The following SEMA3A variants were observed in gnomAD, a reference collection of about 807,000 sequenced individuals.
SEMA3A encodes the protein semaphorin-3A.
Under a neutral mutation model 97.9 loss-of-function variants are expected in SEMA3A, and 29 were observed. The observed-to-expected ratio is 0.30, with a 90% CI of 0.22 to 0.40. The LOEUF (loss-of-function observed/expected upper bound fraction) is 0.40, where lower values mean the gene tolerates loss of function less well. Among genes scored for constraint, SEMA3A ranks in the 10% least tolerant of loss-of-function variants. The probability of loss-of-function intolerance (pLI) is 1.00; values close to 1 mark genes in which losing one functional copy is unlikely to be tolerated. For missense variants in SEMA3A, 763 were observed against 951.3 expected, an observed-to-expected ratio of 0.80 and a Z score of 2.60; for synonymous variants, 321 against 323.7, an observed-to-expected ratio of 0.99 and a Z score of 0.09.
At chr7:84,386,904 A>T (rs1427484117) in intron 1 of SEMA3A, among the ~76,000 whole-genome samples, 1 of 151,988 alleles carries the variant, frequency 6.6e-6, no homozygotes, top group Non-Finnish European at 1.5e-5. Flanking sequence ...GGAGGCTGAG[A>T]CAGGAGAAAC....
At chr7:83,986,175 A>T (rs371493733) in intron 12 of SEMA3A, among the ~76,000 whole-genome samples, 1 of 152,288 alleles carries the variant, frequency 6.6e-6, no homozygotes, top group East Asian at 1.9e-4. Flanking sequence ...TGCCAGCCTC[A>T]TTCCTAACAA....
intron 1 of SEMA3A, among the ~76,000 whole-genome samples, chr7:84,429,516 T>TTATATTTATATATATATATATATATA (rs1804913947): frequency 4.1e-5 from 3 of 72,390 alleles, no homozygotes; most frequent in Non-Finnish European, 7.0e-5. Flanking sequence ...ATAGAGTTTG[T>TTATATTTATATATATATATATATATA]TATATATATA....
Position 84,145,063 on chromosome 7 carries a change from G to A in SEMA3A, c.113-10112C>T, listed in dbSNP as rs1190733827. ...CAAGAATATTTCCAATTAGCTCGAT[G>A]ACATGCCATCTATAGTCTCACAGAT... On this transcript the variant is annotated intron_variant, in intron 1 of 16. Transcript: ENST00000265362. Among the ~76,000 whole-genome samples, 9 of 152,186 alleles carry A rather than the reference G, an allele frequency of 5.9e-5. No homozygotes were observed. The East Asian group carries it at 1.5e-3, about 26-fold the overall frequency.
At chr7:84,361,526 T>C (rs1802720106) in intron 2 of SEMA3A, among the ~76,000 whole-genome samples, 1 of 151,860 alleles carries the variant, frequency 6.6e-6, no homozygotes, top group Non-Finnish European at 1.5e-5. Context: ...AACATGGGAG[T>C]TAGATTTTCT....
intron 3 of SEMA3A, among the ~76,000 whole-genome samples, chr7:84,123,222 G>A (rs1397182967): frequency 6.6e-6 from 1 of 152,080 alleles, no homozygotes; most frequent in Non-Finnish European, 1.5e-5. Context: ...CAATAGAAAT[G>A]TTACTGTGTA....
At chr7:84,339,879 T>TA (rs1314742707) in intron 2 of SEMA3A, among the ~76,000 whole-genome samples, 1 of 151,822 alleles carries the variant, frequency 6.6e-6, no homozygotes, top group East Asian at 1.9e-4. Flanking sequence ...TGAGTAATCC[T>TA]AAAAAAAATT....
chr7:84,457,441 G>C (rs538801696), intron 1 of SEMA3A, among the ~76,000 whole-genome samples: 6 of 151,840 alleles, frequency 4.0e-5, no homozygotes, highest in African/African-American at 1.4e-4. Flanking sequence ...AGGATGATTT[G>C]CCTTTTACAT....
chr7:84,297,806 G>A (rs1329063342), intron 3 of SEMA3A, among the ~76,000 whole-genome samples: 1 of 152,170 alleles, frequency 6.6e-6, no homozygotes, highest in Non-Finnish European at 1.5e-5. Context: ...AAGTCCAGCT[G>A]TAGCTCAACA....
At chr7:84,366,247 A>C (rs1584268061) in intron 2 of SEMA3A, among the ~76,000 whole-genome samples, 1 of 151,334 alleles carries the variant, frequency 6.6e-6, no homozygotes, top group African/African-American at 2.4e-5. Context: ...AACTTACAAC[A>C]TCATATATTT....
intron 3 of SEMA3A, among the ~76,000 whole-genome samples, chr7:84,121,676 T>C (rs1343774741): frequency 2.9e-5 from 1 of 34,920 alleles, no homozygotes; most frequent in Non-Finnish European, 5.3e-5. Flanking sequence ...TCTCGCTCTG[T>C]CGCCCAGGCT....
intron 3 of SEMA3A, among the ~76,000 whole-genome samples, chr7:84,289,202 A>G (rs1800676631): frequency 6.6e-6 from 1 of 152,058 alleles, no homozygotes. Context: ...AGTAATTGCC[A>G]AACTGGAAAG....
At chr7:84,429,484 T>C (rs1339394866) in intron 1 of SEMA3A, among the ~76,000 whole-genome samples, 3 of 129,910 alleles carry the variant, frequency 2.3e-5, no homozygotes, top group African/African-American at 9.2e-5. Context: ...TGGTTAAATA[T>C]TGACTTTTGC....
intron 6 of SEMA3A, 50 bp from the exon 7 acceptor site, chr7:84,014,401 T>C (rs371086344): frequency 4.1e-6 from 6 of 1,453,146 alleles, no homozygotes; most frequent in African/African-American, 1.4e-5. Context: ...TAATAAATAA[T>C]ACCATTCTGA....
intron 1 of SEMA3A, among the ~76,000 whole-genome samples, chr7:84,174,129 C>CTTTA (rs959640875): frequency 1.5e-4 from 23 of 151,688 alleles, no homozygotes; most frequent in Admixed American, 3.9e-4. Flanking sequence ...TGGTGGCAGG[C>CTTTA]TTTATAGTGG....
At chr7:83,985,555 G>T in intron 12 of SEMA3A, 78 bp from the exon 13 acceptor site, 2 of 1,158,494 alleles carry the variant, frequency 1.7e-6, no homozygotes, top group Middle Eastern at 2.0e-4. Flanking sequence ...TCAAGGCACT[G>T]CCATTAGTTT....
At chr7:84,061,736 G>A (rs1793223944) in intron 4 of SEMA3A, among the ~76,000 whole-genome samples, 1 of 152,016 alleles carries the variant, frequency 6.6e-6, no homozygotes, top group Admixed American at 6.6e-5. Context: ...TTGAATTAGG[G>A]ACGAAAGTTA....
intron 2 of SEMA3A, among the ~76,000 whole-genome samples, chr7:84,347,425 T>C (rs576259697): frequency 6.3e-4 from 95 of 151,682 alleles, no homozygotes; most frequent in African/African-American, 2.0e-3. Context: ...TTTTTTTTTT[T>C]TGTGACGAGA....
Position 84,007,398 on chromosome 7 carries a change from T to TTGA in SEMA3A, c.1092_1094dup (p.Tyr364_Gln365insHis). The TTGA allele has an allele frequency of 6.2e-7, 1 of 1,610,274 alleles. No individual in the cohort carries two copies. The highest frequency in any genetic ancestry group is 8.5e-7 in the Non-Finnish European group (1 of 1,178,204). ...GGACTCTTCCTTGATAAGGCACCCATTGATAGTTGGGTCCATCCCTGTGGG... is the reference window on the plus strand; with the variant it reads ...GGACTCTTCCTTGATAAGGCACCCATTGATGATAGTTGGGTCCATCCCTGTGGG... On this transcript the variant is annotated inframe_insertion, in exon 10 of 17. Transcript: ENST00000265362.
chr7:84,320,781 T>A (rs1205269077), intron 2 of SEMA3A, among the ~76,000 whole-genome samples: 1 of 152,156 alleles, frequency 6.6e-6, no homozygotes, highest in East Asian at 1.9e-4. Context: ...AGATTTGAAA[T>A]CACATGAAAT....
Sources: gnomAD v4.1 joint callset for allele counts (sites outside exome capture counted in the v4.1 genomes callset) on GRCh38, gnomAD v4.1.1 for gene constraint, MANE v1.5 for transcripts, NCBI Gene and HGNC (gene_info 2026-07-23, HGNC 2026-07-21) for gene names.